Variants in ANKRD49 observed in about 807,000 individuals in gnomAD.
The protein encoded by ANKRD49 is ankyrin repeat domain 49, also known as ankyrin repeat domain-containing protein 49.
In ANKRD49, 18 loss-of-function variants were observed where a neutral mutation model predicts 19.6. The observed-to-expected ratio is 0.92, with a 90% CI of 0.63 to 1.36. The LOEUF (loss-of-function observed/expected upper bound fraction) is 1.36. ANKRD49 is among the 40% of genes most tolerant of loss of function. The pLI is 0.00. For synonymous variants in ANKRD49, 88 were observed against 101.8 expected (o/e 0.86, Z 0.82); for missense variants, 218 against 281.6 (o/e 0.77, Z 1.62).
intron 1 of ANKRD49, among the ~76,000 whole-genome samples, chr11:94,496,197 A>G (rs1264718236): frequency 6.6e-6 from 1 of 152,092 alleles, no homozygotes; most frequent in African/African-American, 2.4e-5. Flanking sequence ...TCGAAATAGT[A>G]TTTTTAGGAA....
Position 94,498,548 on chromosome 11 carries a change from T to C in ANKRD49, c.*16T>C, listed in dbSNP as rs760222963. ...TCAGTCTTAACAATTCTAGTAATTTTCCTAAGTTTCTAAATACCAGTGCCT... is the reference window on the plus strand; with the variant it reads ...TCAGTCTTAACAATTCTAGTAATTTCCCTAAGTTTCTAAATACCAGTGCCT... On this transcript the variant is annotated 3_prime_UTR_variant, in exon 3 of 3. Coordinates refer to ENST00000544612, the MANE Select transcript of ANKRD49 (RefSeq NM_017704.3). 18 of 1,587,098 alleles carry C rather than the reference T, an allele frequency of 1.1e-5. No individual in the cohort carries two copies. The South Asian group carries it at 2.1e-4, about 18-fold the overall frequency.
Position 94,496,262 on chromosome 11 carries a change from T to TAGAC in ANKRD49, c.-90-342_-90-341insAGAC, listed in dbSNP as rs1591735432. Among the ~76,000 whole-genome samples, 3 of 152,320 alleles carry TAGAC rather than the reference T, an allele frequency of 2.0e-5. No homozygotes were observed. The South Asian group carries it at 6.2e-4, about 32-fold the overall frequency. On this transcript the variant is annotated intron_variant, in intron 1 of 2. Transcript: ENST00000544612. ...TCTGTGTGTCTAGTTTATAAAAATCTTGAATGCACCTGTCTTCATTGTATT... is the reference window on the plus strand; with the variant it reads ...TCTGTGTGTCTAGTTTATAAAAATCTAGACTGAATGCACCTGTCTTCATTGTATT...
Position 94,496,732 on chromosome 11 carries a change from C to T in ANKRD49, c.39C>T (p.Asp13=). Reference sequence around the variant, plus strand: ...AAGGAAATGATGATGGAATACCAGACCAAGAGAATTCCTTGGATTTTTCTG... The same window carrying T: ...AAGGAAATGATGATGGAATACCAGATCAAGAGAATTCCTTGGATTTTTCTG... ...KEKGNDDGIP[D]QENSLDFSEH... The change falls in exon 2 of 3, where the codon GAC becomes GAT. Residue 13 remains aspartate (D), a synonymous_variant. Transcript: ENST00000544612. The T allele has an allele frequency of 3.1e-6, 5 of 1,609,082 alleles. No homozygotes were observed. Among genetic ancestry groups the T allele is most frequent in the Non-Finnish European group, 4.2e-6 (5 of 1,178,070 alleles).
At chr11:94,496,982 A>T (rs1474907545) in intron 2 of ANKRD49, 31 bp downstream of exon 2, 1 of 1,610,260 alleles carries the variant, frequency 6.2e-7, no homozygotes, top group Non-Finnish European at 8.5e-7. Context: ...GGGAAGTGTG[A>T]CAGTAGGAAA....
chr11:94,495,571 GGGAATTCGT>G (rs1565245661), intron 1 of ANKRD49, among the ~76,000 whole-genome samples: 4 of 152,114 alleles, frequency 2.6e-5, no homozygotes, highest in African/African-American at 9.7e-5. Context: ...TTGAGAGGCT[GGGAATTCGT>G]ATTTGTAAAT....
At chr11:94,496,999 G>A in intron 2 of ANKRD49, 48 bp downstream of exon 2, 1 of 1,607,774 alleles carries the variant, frequency 6.2e-7, no homozygotes, top group Non-Finnish European at 8.5e-7. Flanking sequence ...GAAAAGCACT[G>A]GGTTCAAGCC....
chr11:94,498,643 T>C lies in ANKRD49; in HGVS notation c.*111T>C. 1.1e-6 allele frequency: 1 copy of C among 933,126 alleles called. No individual in the cohort carries two copies. Among genetic ancestry groups the C allele is most frequent in the African/African-American group, 1.7e-5 (1 of 60,128 alleles). 57.8% of individuals were successfully genotyped at this position (933,126 alleles called of 1,614,324 possible). A position where few individuals can be genotyped will look rare whatever the true frequency, so the allele number is the denominator to read the frequency against. On this transcript the variant is annotated 3_prime_UTR_variant, in exon 3 of 3. Transcript: ENST00000544612. ...ATCTTACTACAAAAATTCAGTGACATTCATTATAACATTCTTCCAAGTGAA... is the reference window on the plus strand; with the variant it reads ...ATCTTACTACAAAAATTCAGTGACACTCATTATAACATTCTTCCAAGTGAA...
chr11:94,495,086 T>G (rs1017169403), intron 1 of ANKRD49, among the ~76,000 whole-genome samples: 1 of 152,178 alleles, frequency 6.6e-6, no homozygotes, highest in Non-Finnish European at 1.5e-5. Flanking sequence ...TCTTACATTT[T>G]ACAATAAAGT....
intron 1 of ANKRD49, 71 bp downstream of exon 1, chr11:94,494,106 G>C (rs1469435530): frequency 6.6e-6 from 1 of 152,342 alleles, no homozygotes; most frequent in Admixed American, 6.5e-5. Flanking sequence ...TCCTGAGCCC[G>C]TGGGGGTGGG....
intron 1 of ANKRD49, among the ~76,000 whole-genome samples, chr11:94,496,311 C>T (rs36111467): frequency 0.032 from 4,838 of 152,208 alleles, 177 homozygotes; most frequent in African/African-American, 0.084. Flanking sequence ...AACCTTTAAG[C>T]ATTCATCACT....
chr11:94,496,714 T>A lies in ANKRD49; in HGVS notation c.21T>A (p.Asn7Lys), dbSNP rs375712368. Residue 7 changes from asparagine (N) to lysine (K), a missense_variant, in exon 2 of 3, where the codon AAT becomes AAA. Coordinates refer to ENST00000544612, the MANE Select transcript of ANKRD49 (RefSeq NM_017704.3). Reference sequence around the variant, plus strand: ...AAAAAATGGAAAAAGAAAAAGGAAATGATGATGGAATACCAGACCAAGAGA... The same window carrying A: ...AAAAAATGGAAAAAGAAAAAGGAAAAGATGATGGAATACCAGACCAAGAGA... Reference protein sequence around the residue: MEKEKGNDDGIPDQENS... With the variant: MEKEKGKDDGIPDQENS... The A allele has an allele frequency of 1.9e-5, 30 of 1,582,356 alleles. No individual in the cohort carries two copies. The South Asian group carries it at 3.2e-4, about 17-fold the overall frequency.
chr11:94,498,076 C>T lies in ANKRD49; in HGVS notation c.264C>T (p.Thr88=). 6.3e-7 allele frequency: 1 copy of T among 1,596,252 alleles called. No individual in the cohort carries two copies. The highest frequency in any genetic ancestry group is 1.1e-5 in the South Asian group (1 of 89,000). Reference sequence around the variant, plus strand: ...TTTCTTTTTTTTCTTCTCAGCTTACCACAGTGCGGAGACTCCTTTCTGAAA... The same window carrying T: ...TTTCTTTTTTTTCTTCTCAGCTTACTACAGTGCGGAGACTCCTTTCTGAAA... ...LLWAAEKNRL[T]TVRRLLSEKA... The change falls in exon 3 of 3, where the codon ACC becomes ACT. Residue 88 remains threonine (T), a synonymous_variant. Coordinates refer to ENST00000544612, the MANE Select transcript of ANKRD49 (RefSeq NM_017704.3).
intron 2 of ANKRD49, 52 bp from the exon 3 acceptor site, chr11:94,498,018 AG>A: frequency 7.4e-7 from 1 of 1,357,074 alleles, no homozygotes; most frequent in Non-Finnish European, 1.0e-6. Flanking sequence ...ATTTTGTTTT[AG>A]TTATTGTTTT....
At position 94,498,416 on chromosome 11, in the gene ANKRD49, C is replaced by A. The variant is rs757456453; in HGVS notation, c.604C>A (p.Pro202Thr). 8 of 1,613,452 alleles carry A rather than the reference C, an allele frequency of 5.0e-6. No homozygotes were observed. The highest frequency in any genetic ancestry group is 5.1e-6 in the Non-Finnish European group (6 of 1,179,864). The part of the protein sequence containing the change: ...ELLLMNRYVK[P>T]GLKNNLEETA... The stretch of plus-strand genomic sequence containing the variant: ...CCTCCTGATGAACCGTTACGTCAAA[C>A]CAGGGCTGAAAAACAACTTGGAAGA... The change falls in exon 3 of 3, where the codon CCA becomes ACA. Residue 202 changes from proline to threonine, a missense_variant. By Grantham distance (38) the Pro-to-Thr change is conservative. Coordinates refer to ENST00000544612, the MANE Select transcript of ANKRD49 (RefSeq NM_017704.3).
chr11:94,498,189 A>T lies in ANKRD49; in HGVS notation c.377A>T (p.Glu126Val), dbSNP rs1209080717. The change falls in exon 3 of 3, where the codon GAG becomes GTG. Residue 126 changes from glutamate (E) to valine (V), a missense_variant. Glu to Val is a moderately radical substitution (Grantham distance 121, BLOSUM62 -2). Coordinates refer to ENST00000544612, the MANE Select transcript of ANKRD49 (RefSeq NM_017704.3). ...AYSGHLDIVQ[E>V]LIAQGADVHA... ...AGTGGACACTTAGATATTGTTCAGG[A>T]GCTCATTGCACAGGGGGCCGATGTT... The T allele has an allele frequency of 1.2e-6, 2 of 1,614,042 alleles. No homozygotes were observed. The highest frequency in any genetic ancestry group is 1.7e-6 in the Non-Finnish European group (2 of 1,180,040).
intron 1 of ANKRD49, among the ~76,000 whole-genome samples, chr11:94,494,906 T>C (rs1300346107): frequency 6.6e-6 from 1 of 152,208 alleles, no homozygotes; most frequent in African/African-American, 2.4e-5. Context: ...TGTATGGTCA[T>C]TTTTGTGTTG....
In ANKRD49 at chr11:94,498,820, G is replaced by A. The variant is rs1947454511; in HGVS notation, c.*288G>A. The A allele has an allele frequency of 2.8e-6, 1 of 353,522 alleles. No homozygotes were observed. The highest frequency in any genetic ancestry group is 2.1e-5 in the African/African-American group (1 of 46,704). 21.9% of individuals were successfully genotyped at this position (353,522 alleles called of 1,614,324 possible). A position where few individuals can be genotyped will look rare whatever the true frequency, so the allele number is the denominator to read the frequency against. Reference sequence around the variant, plus strand: ...GGTTGTACAGAAACTGGTATTTTTGGTGCTGATACAAGAGAAATGTATTTT... The same window carrying A: ...GGTTGTACAGAAACTGGTATTTTTGATGCTGATACAAGAGAAATGTATTTT... On this transcript the variant is annotated 3_prime_UTR_variant, in exon 3 of 3. Transcript: ENST00000544612.
At chr11:94,495,843 C>T (rs1947411673) in intron 1 of ANKRD49, among the ~76,000 whole-genome samples, 1 of 152,100 alleles carries the variant, frequency 6.6e-6, no homozygotes, top group South Asian at 2.1e-4. Flanking sequence ...TTGCCAGTCA[C>T]CTACACTAGA....
intron 2 of ANKRD49, chr11:94,497,534 C>T (rs2135162035): frequency 6.4e-6 from 1 of 156,930 alleles, no homozygotes; most frequent in Admixed American, 6.4e-5. Context: ...ACCAGAGGCC[C>T]ATAGAACAAA....
Sources: gnomAD v4.1 joint callset for allele counts (sites outside exome capture counted in the v4.1 genomes callset) on GRCh38, gnomAD v4.1.1 for gene constraint, MANE v1.5 for transcripts, NCBI Gene and HGNC (gene_info 2026-07-23, HGNC 2026-07-21) for gene names.